Variants in DGKB observed in about 807,000 individuals in gnomAD.
DGKB encodes 90 kDa diacylglycerol kinase.
A neutral mutation model predicts 114.3 loss-of-function variants in DGKB; 67 were observed. The ratio of observed to expected loss-of-function variants is 0.59; its 90% CI spans 0.48 to 0.72. The LOEUF (loss-of-function observed/expected upper bound fraction) is 0.72, where lower values mean the gene tolerates loss of function less well. DGKB is among the 30% of genes least tolerant of loss of function. The pLI is 0.00. For synonymous variants in DGKB, 398 were observed against 323.1 expected, an observed-to-expected ratio of 1.23 and a Z score of -2.49; for missense variants, 907 against 975.2, an observed-to-expected ratio of 0.93 and a Z score of 0.93.
chr7:14,397,490 G>GTA (rs1366100956), intron 21 of DGKB, among the ~76,000 whole-genome samples: 1 of 152,016 alleles, frequency 6.6e-6, no homozygotes, highest in Non-Finnish European at 1.5e-5. Flanking sequence ...TTTTAAGATA[G>GTA]TAAAGATCAC....
intron 20 of DGKB, among the ~76,000 whole-genome samples, chr7:14,547,932 T>G (rs1794551513): frequency 6.6e-6 from 1 of 152,212 alleles, no homozygotes; most frequent in African/African-American, 2.4e-5. Flanking sequence ...GAAAAATGTT[T>G]GCCACATTCT....
At chr7:14,304,483 G>A (rs2128493853) in intron 23 of DGKB, among the ~76,000 whole-genome samples, 1 of 152,030 alleles carries the variant, frequency 6.6e-6, no homozygotes, top group Middle Eastern at 3.4e-3. Context: ...CTACTTTTCT[G>A]CCTCAGAAGG....
At chr7:14,455,990 A>G (rs146654530) in intron 21 of DGKB, among the ~76,000 whole-genome samples, 1 of 152,090 alleles carries the variant, frequency 6.6e-6, no homozygotes, top group East Asian at 1.9e-4. Context: ...CAGGTTTAGC[A>G]TTTCTAATCC....
intron 5 of DGKB, among the ~76,000 whole-genome samples, chr7:14,719,219 A>G (rs1350666207): frequency 6.6e-6 from 1 of 152,202 alleles, no homozygotes; most frequent in African/African-American, 2.4e-5. Context: ...CTTGCCCAGG[A>G]GTAAGAATAA....
chr7:14,218,763 A>G (rs1789436010), intron 23 of DGKB, among the ~76,000 whole-genome samples: 1 of 151,974 alleles, frequency 6.6e-6, no homozygotes, highest in Non-Finnish European at 1.5e-5. Flanking sequence ...AATGTAATCC[A>G]CATATCATTC....
intron 20 of DGKB, 136 bp from the exon 21 acceptor site, chr7:14,478,361 A>T (rs923956035): frequency 7.7e-6 from 4 of 522,428 alleles, no homozygotes; most frequent in Non-Finnish European, 1.3e-5. Flanking sequence ...GGTTATGTAA[A>T]ATTAGGCAAA....
chr7:14,273,649 A>AT (rs915838281), intron 23 of DGKB, among the ~76,000 whole-genome samples: 1 of 152,226 alleles, frequency 6.6e-6, no homozygotes, highest in African/African-American at 2.4e-5. Context: ...CAGAAAATAG[A>AT]TTTTAACTGA....
intron 23 of DGKB, among the ~76,000 whole-genome samples, chr7:14,316,750 T>C (rs1489991986): frequency 6.6e-5 from 10 of 150,482 alleles, no homozygotes; most frequent in African/African-American, 1.5e-4. Context: ...TTCCAATCAA[T>C]AGAAAAAGAG....
At chr7:14,425,827 C>T (rs945702959) in intron 21 of DGKB, among the ~76,000 whole-genome samples, 12 of 152,108 alleles carry the variant, frequency 7.9e-5, no homozygotes, top group African/African-American at 2.9e-4. Flanking sequence ...AGTGCAGTCT[C>T]ATAGCATATA....
chr7:14,647,204 T>C (rs1323299249), intron 13 of DGKB, among the ~76,000 whole-genome samples: 1 of 152,048 alleles, frequency 6.6e-6, no homozygotes, highest in Non-Finnish European at 1.5e-5. Context: ...CACTGGGTAA[T>C]CTAGAGGAAA....
At chr7:14,932,511 A>G (rs1221792427) in intron 1 of DGKB, among the ~76,000 whole-genome samples, 1 of 152,174 alleles carries the variant, frequency 6.6e-6, no homozygotes, top group Admixed American at 6.5e-5. Context: ...ATTATTGTAC[A>G]TTCTGTTAAT....
intron 23 of DGKB, among the ~76,000 whole-genome samples, chr7:14,266,150 T>C (rs541586305): frequency 6.1e-4 from 93 of 152,318 alleles, no homozygotes; most frequent in African/African-American, 1.5e-3. Flanking sequence ...AGAGAAGCCA[T>C]CAAGCTCTTA....
intron 17 of DGKB, among the ~76,000 whole-genome samples, chr7:14,590,299 C>A (rs1353269214): frequency 1.3e-5 from 2 of 151,846 alleles, no homozygotes; most frequent in African/African-American, 2.4e-5. Flanking sequence ...ATTTGATTCT[C>A]CCTCCTAGAT....
intron 23 of DGKB, among the ~76,000 whole-genome samples, chr7:14,305,815 T>C (rs1334552131): frequency 3.3e-5 from 5 of 152,174 alleles, no homozygotes; most frequent in Admixed American, 3.3e-4. Context: ...CATATTAACA[T>C]CATAGCTTGA....
At chr7:14,281,010 C>A (rs1021063616) in intron 23 of DGKB, among the ~76,000 whole-genome samples, 6 of 150,726 alleles carry the variant, frequency 4.0e-5, no homozygotes, top group Admixed American at 6.6e-5. Flanking sequence ...ACACATAACA[C>A]TATTAACTTT....
intron 21 of DGKB, among the ~76,000 whole-genome samples, chr7:14,363,829 T>C (rs1012520516): frequency 6.6e-6 from 1 of 151,454 alleles, no homozygotes; most frequent in African/African-American, 2.4e-5. Flanking sequence ...TAAGGCTTCT[T>C]TCATATCTAC....
At chr7:14,844,408 A>C (rs979215514) in intron 1 of DGKB, among the ~76,000 whole-genome samples, 1 of 152,230 alleles carries the variant, frequency 6.6e-6, no homozygotes, top group African/African-American at 2.4e-5. Flanking sequence ...GTTTTTGTAA[A>C]TATAGGTGAT....
chr7:14,845,267 G>A (rs1169874570), intron 1 of DGKB, among the ~76,000 whole-genome samples: 2 of 151,946 alleles, frequency 1.3e-5, no homozygotes, highest in Non-Finnish European at 2.9e-5. Context: ...GGCTCACCTG[G>A]TTATTGAATT....
At chr7:14,175,601 C>T (rs1278643488) in intron 25 of DGKB, among the ~76,000 whole-genome samples, 2 of 152,188 alleles carry the variant, frequency 1.3e-5, no homozygotes, top group Admixed American at 6.5e-5. Flanking sequence ...ATCAATCCTC[C>T]ACAGAGCAGC....
Sources: allele counts gnomAD v4.1 joint callset (sites outside exome capture counted in the v4.1 genomes callset), GRCh38; gene constraint gnomAD v4.1.1; transcripts MANE v1.5; gene names NCBI Gene and HGNC (gene_info 2026-07-23, HGNC 2026-07-21).